The following TBC1D22A variants were observed in gnomAD, a reference collection of about 807,000 sequenced individuals.
TBC1D22A encodes the protein TBC1 domain family member 22A.
Under a neutral mutation model 60.2 loss-of-function variants are expected in TBC1D22A, and 38 were observed. That is an observed-to-expected ratio of 0.63 (90% CI 0.49 to 0.83). The LOEUF (loss-of-function observed/expected upper bound fraction) is 0.83, where lower values mean the gene tolerates loss of function less well. Among genes scored for constraint, TBC1D22A ranks in the 40% least tolerant of loss-of-function variants. The probability of loss-of-function intolerance (pLI) is 0.00; values close to 1 mark genes in which losing one functional copy is unlikely to be tolerated. For synonymous variants in TBC1D22A, 302 were observed against 281.7 expected (o/e 1.07, Z -0.72); for missense variants, 628 against 701.0 (o/e 0.90, Z 1.18).
At chr22:46,779,624 T>A (rs1415581786) in intron 1 of TBC1D22A, among the ~76,000 whole-genome samples, 1 of 152,232 alleles carries the variant, frequency 6.6e-6, no homozygotes, top group African/African-American at 2.4e-5. Flanking sequence ...CACACATTGC[T>A]TTTGTTATGT....
intron 8 of TBC1D22A, among the ~76,000 whole-genome samples, chr22:46,971,570 G>C (rs755484563): frequency 4.6e-5 from 7 of 152,344 alleles, no homozygotes; most frequent in Non-Finnish European, 1.0e-4. Flanking sequence ...AGTGATGCCA[G>C]GGGGAGGCCA....
At chr22:46,812,833 G>C (rs1391341405) in intron 4 of TBC1D22A, among the ~76,000 whole-genome samples, 1 of 152,158 alleles carries the variant, frequency 6.6e-6, no homozygotes, top group Non-Finnish European at 1.5e-5. Flanking sequence ...AAATTTGCTT[G>C]TTTCGACTTA....
intron 9 of TBC1D22A, among the ~76,000 whole-genome samples, chr22:46,985,227 C>T (rs1358058030): frequency 6.6e-6 from 1 of 152,190 alleles, no homozygotes; most frequent in Non-Finnish European, 1.5e-5. Context: ...GCAGAGTCTT[C>T]ACCTGGACGG....
chr22:47,016,287 A>G (rs2061909632), intron 10 of TBC1D22A, among the ~76,000 whole-genome samples: 1 of 152,116 alleles, frequency 6.6e-6, no homozygotes, highest in Non-Finnish European at 1.5e-5. Flanking sequence ...CTGGCAGGGT[A>G]GCCCAGACCC....
At chr22:47,019,556 TG>T (rs112174118) in intron 10 of TBC1D22A, among the ~76,000 whole-genome samples, 6,746 of 151,512 alleles carry the variant, frequency 0.045, 251 homozygotes, top group African/African-American at 0.092. Context: ...GGAAGCAGTG[TG>T]GGTGTGCAGG....
chr22:47,081,241 G>A (rs1045561179), intron 11 of TBC1D22A, among the ~76,000 whole-genome samples: 1 of 152,062 alleles, frequency 6.6e-6, no homozygotes, highest in Non-Finnish European at 1.5e-5. Context: ...AGAATAAAGG[G>A]GAAAACCATA....
At chr22:46,902,573 T>G (rs1347889827) in intron 7 of TBC1D22A, among the ~76,000 whole-genome samples, 1 of 152,224 alleles carries the variant, frequency 6.6e-6, no homozygotes, top group Non-Finnish European at 1.5e-5. Context: ...AAGCGACAGC[T>G]CACTTGCTGG....
At chr22:46,827,527 A>C (rs781238041) in intron 4 of TBC1D22A, among the ~76,000 whole-genome samples, 3 of 152,206 alleles carry the variant, frequency 2.0e-5, no homozygotes, top group Non-Finnish European at 2.9e-5. Flanking sequence ...GCGTGTACCA[A>C]ATGGTATTTT....
chr22:46,791,773 C>T (rs923944876), intron 1 of TBC1D22A, among the ~76,000 whole-genome samples: 22 of 152,008 alleles, frequency 1.4e-4, no homozygotes, highest in African/African-American at 5.3e-4. Flanking sequence ...AAGTCTTTTT[C>T]TTTTTGAGAT....
chr22:46,981,277 G>A (rs2074502763), intron 9 of TBC1D22A, among the ~76,000 whole-genome samples: 1 of 152,160 alleles, frequency 6.6e-6, no homozygotes, highest in South Asian at 2.1e-4. Flanking sequence ...TGCCTGACAT[G>A]GTCCTGAGTG....
At chr22:47,090,560 G>A (rs576192361) in intron 11 of TBC1D22A, among the ~76,000 whole-genome samples, 1 of 152,376 alleles carries the variant, frequency 6.6e-6, no homozygotes, top group Non-Finnish European at 1.5e-5. Context: ...GCCTGCAGAA[G>A]CTCTCCTGGG....
At position 46,802,551 on chromosome 22, in the gene TBC1D22A, A is replaced by G. The variant is rs182868928; in HGVS notation, c.637+4931A>G. Among the ~76,000 whole-genome samples, 715 of 152,316 alleles carry G rather than the reference A, an allele frequency of 4.7e-3. 5 individuals carry two copies. Among genetic ancestry groups the G allele is most frequent in the African/African-American group, 0.016 (668 of 41,566 alleles). ...AGTGGGGTGTGGGGAGAGGCCTGCA[A>G]GGCAGGCAGGGACCAGGTCCCCAGG... On this transcript the variant is annotated intron_variant, in intron 4 of 12. Coordinates refer to ENST00000337137, the MANE Select transcript of TBC1D22A (RefSeq NM_014346.5).
chr22:46,818,446 C>T lies in TBC1D22A; in HGVS notation c.637+20826C>T, dbSNP rs2085692046. Among the ~76,000 whole-genome samples, 3 of 152,294 alleles carry T rather than the reference C, an allele frequency of 2.0e-5. No individual in the cohort carries two copies. The South Asian group carries it at 6.2e-4, about 32-fold the overall frequency. On this transcript the variant is annotated intron_variant, in intron 4 of 12. Transcript: ENST00000337137. Reference sequence around the variant, plus strand: ...TTGTTTAAGGTATAAGGAAGGGGTCCAGTTGTAGTTTTGTGCATATGGGTA... The same window carrying T: ...TTGTTTAAGGTATAAGGAAGGGGTCTAGTTGTAGTTTTGTGCATATGGGTA...
chr22:46,921,049 G>A (rs897064143), intron 8 of TBC1D22A, among the ~76,000 whole-genome samples: 16 of 152,136 alleles, frequency 1.1e-4, no homozygotes, highest in African/African-American at 2.9e-4. Context: ...GGGATTACAG[G>A]CATGAGCCAC....
chr22:47,162,811 G>T (rs2068046310), intron 12 of TBC1D22A, among the ~76,000 whole-genome samples: 1 of 118,302 alleles, frequency 8.5e-6, no homozygotes, highest in South Asian at 2.4e-4. Flanking sequence ...TGGGACTGTG[G>T]ACCCGGTGCA....
chr22:46,916,554 C>T lies in TBC1D22A; in HGVS notation c.1015+4366C>T, dbSNP rs190276717. Among the ~76,000 whole-genome samples, 477 of 152,344 alleles carry T rather than the reference C, an allele frequency of 3.1e-3. 2 individuals carry two copies. Among genetic ancestry groups the T allele is most frequent in the African/African-American group, 0.011 (444 of 41,584 alleles). On this transcript the variant is annotated intron_variant, in intron 8 of 12. Coordinates refer to ENST00000337137, the MANE Select transcript of TBC1D22A (RefSeq NM_014346.5). The stretch of plus-strand genomic sequence containing the variant: ...ACACAGGCGTGCAGGCACGTGCACG[C>T]GGACATACATAACCATACAGAGACA...
chr22:47,079,931 AAAG>A, intron 11 of TBC1D22A, among the ~76,000 whole-genome samples: 1 of 152,362 alleles, frequency 6.6e-6, no homozygotes, highest in African/African-American at 2.4e-5. Flanking sequence ...ATGATTTAAA[AAAG>A]GTGTATCAAT....
In TBC1D22A at chr22:47,175,276, C is replaced by T. The variant is rs1404466474; in HGVS notation, c.*1650C>T. On this transcript the variant is annotated 3_prime_UTR_variant, in exon 13 of 13. Transcript: ENST00000337137. ...ACGCCTTACCCCTGCCTTCCGTGTC[C>T]CCACCCCAGGGTCAAGGGTTCCTCA... 1 of 152,364 alleles carries T rather than the reference C, an allele frequency of 6.6e-6. No homozygotes were observed. Among genetic ancestry groups the T allele is most frequent in the South Asian group, 2.1e-4 (1 of 4,836 alleles). The allele number at this position is 152,364 out of a possible 1,614,324, so 9.4% of individuals were successfully genotyped here. A position where few individuals can be genotyped will look rare whatever the true frequency, so the allele number is the denominator to read the frequency against.
intron 12 of TBC1D22A, among the ~76,000 whole-genome samples, chr22:47,130,709 G>C (rs1350791284): frequency 1.3e-5 from 2 of 152,198 alleles, no homozygotes; most frequent in African/African-American, 4.8e-5. Flanking sequence ...GGACCCTGCG[G>C]TCTGCAAAAC....
Sources: gnomAD v4.1 joint callset for allele counts (sites outside exome capture counted in the v4.1 genomes callset) on GRCh38, gnomAD v4.1.1 for gene constraint, MANE v1.5 for transcripts, NCBI Gene and HGNC (gene_info 2026-07-23, HGNC 2026-07-21) for gene names.